WWOX: variants seen among roughly 807,000 people sequenced by gnomAD.
WWOX encodes WW domain containing oxidoreductase, also known as WW domain-containing oxidoreductase.
WWOX carries 69 observed loss-of-function variants against 46.2 expected under a neutral mutation model. The observed-to-expected ratio is 1.49, with a 90% CI of 1.23 to 1.82. The LOEUF (loss-of-function observed/expected upper bound fraction) is 1.82. Ranked by LOEUF, WWOX falls within the 40% of genes most tolerant of loss-of-function variation. The pLI, the probability that WWOX is intolerant of heterozygous loss-of-function variation, is 0.00. For synonymous variants in WWOX, 359 were observed against 202.6 expected (o/e 1.77, Z -6.56); for missense variants, 919 against 542.6 (o/e 1.69, Z -6.89).
In WWOX at chr16:78,451,568, T is replaced by C. The variant is rs563671010; in HGVS notation, c.1056+18816T>C. On this transcript the variant is annotated intron_variant, in intron 8 of 8. Coordinates refer to ENST00000566780, the MANE Select transcript of WWOX (RefSeq NM_016373.4). ...TTAGTGACCTGCTGGCCAGCCACAT[T>C]ACCTCCTTGGGCTTTGGATTTTCTT... Among the ~76,000 whole-genome samples the C allele has an allele frequency of 8.5e-5, 13 of 152,286 alleles. No individual in the cohort carries two copies. The East Asian group carries it at 2.5e-3, about 29-fold the overall frequency.
At chr16:79,002,904 A>G (rs1223967046) in intron 8 of WWOX, among the ~76,000 whole-genome samples, 1 of 152,198 alleles carries the variant, frequency 6.6e-6, no homozygotes. Flanking sequence ...GACTGCCTGT[A>G]CTCCGTAATG....
intron 8 of WWOX, among the ~76,000 whole-genome samples, chr16:79,015,536 A>T (rs2047396034): frequency 6.6e-6 from 1 of 152,052 alleles, no homozygotes; most frequent in Non-Finnish European, 1.5e-5. Context: ...CACTTCCTGG[A>T]GGGAAGCCAC....
At chr16:78,519,783 G>A (rs894684415) in intron 8 of WWOX, among the ~76,000 whole-genome samples, 2 of 152,040 alleles carry the variant, frequency 1.3e-5, no homozygotes, top group Non-Finnish European at 2.9e-5. Context: ...GAGCCAGAGT[G>A]GACCCTTACC....
chr16:78,123,353 T>A (rs1274774184), intron 4 of WWOX: 1 of 151,914 alleles, frequency 6.6e-6, no homozygotes, highest in African/African-American at 2.4e-5. Context: ...TAAGTGGAAA[T>A]TGTAATATTT....
At chr16:78,667,812 T>G (rs577527235) in intron 8 of WWOX, among the ~76,000 whole-genome samples, 1 of 152,260 alleles carries the variant, frequency 6.6e-6, no homozygotes, top group South Asian at 2.1e-4. Flanking sequence ...TCAGCTTGCA[T>G]CTGTTTGCCT....
At chr16:78,151,366 C>G (rs769449383) in intron 4 of WWOX, among the ~76,000 whole-genome samples, 33 of 152,078 alleles carry the variant, frequency 2.2e-4, no homozygotes, top group Non-Finnish European at 4.1e-4. Flanking sequence ...CTTTTTTGCC[C>G]TCTGATCTTG....
intron 6 of WWOX, among the ~76,000 whole-genome samples, chr16:78,391,862 TA>T (rs1459989919): frequency 1.3e-5 from 2 of 152,142 alleles, no homozygotes; most frequent in Non-Finnish European, 1.5e-5. Flanking sequence ...ATTTAGTGGC[TA>T]AAAAACAACG....
chr16:78,630,685 T>C (rs971143283), intron 8 of WWOX, among the ~76,000 whole-genome samples: 3 of 152,216 alleles, frequency 2.0e-5, no homozygotes, highest in African/African-American at 7.2e-5. Flanking sequence ...TGCATCCTTT[T>C]GCTGTGATAA....
At position 78,408,167 on chromosome 16, in the gene WWOX, C is replaced by G. The variant is rs116883921; in HGVS notation, c.606-16703C>G. Among the ~76,000 whole-genome samples, 481 of 152,248 alleles carry G rather than the reference C, an allele frequency of 3.2e-3. 14 individuals are homozygous for G. The East Asian group carries it at 0.067, about 21-fold the overall frequency. The stretch of plus-strand genomic sequence containing the variant: ...CAAGCTACAAGTTAAATCCTCGGAC[C>G]AGATTGAGAACTTGTCTTCTTACTT... On this transcript the variant is annotated intron_variant, in intron 6 of 8. Transcript: ENST00000566780.
intron 6 of WWOX, 37 bp downstream of exon 6, chr16:78,386,985 C>A (rs12446823): frequency 6.3e-7 from 1 of 1,583,866 alleles, no homozygotes. Context: ...ATCATAATTT[C>A]TTGCTATTGT....
intron 8 of WWOX, among the ~76,000 whole-genome samples, chr16:78,499,142 C>T (rs1183860243): frequency 6.6e-6 from 1 of 152,066 alleles, no homozygotes. Context: ...GGGCCCTTCT[C>T]TTTCCTCGTG....
intron 8 of WWOX, among the ~76,000 whole-genome samples, chr16:79,153,735 T>G (rs551972823): frequency 3.3e-5 from 5 of 152,230 alleles, no homozygotes; most frequent in African/African-American, 1.2e-4. Context: ...AAAGCAACCT[T>G]TAGTATCATC....
At chr16:78,918,495 T>C (rs1171637462) in intron 8 of WWOX, among the ~76,000 whole-genome samples, 4 of 152,172 alleles carry the variant, frequency 2.6e-5, no homozygotes, top group African/African-American at 4.8e-5. Context: ...CTTTTGTCTC[T>C]GTAATGAATG....
intron 8 of WWOX, among the ~76,000 whole-genome samples, chr16:79,202,360 A>G (rs1250734542): frequency 6.6e-6 from 1 of 152,094 alleles, no homozygotes; most frequent in African/African-American, 2.4e-5. Flanking sequence ...GTGTTTTGGG[A>G]TATAAGGCAC....
chr16:79,028,515 C>T (rs1197063433), intron 8 of WWOX, among the ~76,000 whole-genome samples: 2 of 151,564 alleles, frequency 1.3e-5, no homozygotes, highest in Non-Finnish European at 2.9e-5. Flanking sequence ...TTCTTTCCTC[C>T]TTCTTCCTCT....
chr16:78,995,129 C>T (rs1417082834), intron 8 of WWOX, among the ~76,000 whole-genome samples: 1 of 151,990 alleles, frequency 6.6e-6, no homozygotes, highest in Non-Finnish European at 1.5e-5. Context: ...TGGCTCTGAT[C>T]ACTCCTTTTT....
chr16:78,557,536 C>A (rs1384771330), intron 8 of WWOX, among the ~76,000 whole-genome samples: 1 of 152,082 alleles, frequency 6.6e-6, no homozygotes, highest in South Asian at 2.1e-4. Context: ...TTCACTTACA[C>A]GTTTTTGTCG....
chr16:79,107,673 T>G (rs1258291643), intron 8 of WWOX, among the ~76,000 whole-genome samples: 9 of 152,222 alleles, frequency 5.9e-5, no homozygotes, highest in Admixed American at 2.0e-4. Context: ...CACATTTTCA[T>G]GTCACATTTA....
chr16:79,109,673 G>C (rs1026522108), intron 8 of WWOX, among the ~76,000 whole-genome samples: 1 of 152,118 alleles, frequency 6.6e-6, no homozygotes, highest in African/African-American at 2.4e-5. Context: ...TCCAAGTTTG[G>C]TGTTCATTAT....
Sources: gnomAD v4.1 joint callset for allele counts (sites outside exome capture counted in the v4.1 genomes callset) on GRCh38, gnomAD v4.1.1 for gene constraint, MANE v1.5 for transcripts, NCBI Gene and HGNC (gene_info 2026-07-23, HGNC 2026-07-21) for gene names.